Variants in IL17RD observed in about 807,000 individuals in gnomAD.
The protein encoded by IL17RD is interleukin-17 receptor D.
Under a neutral mutation model 80.5 loss-of-function variants are expected in IL17RD, and 52 were observed. The observed-to-expected ratio is 0.65, with a 90% CI of 0.52 to 0.81. The LOEUF is 0.81. Among genes scored for constraint, IL17RD ranks in the 40% least tolerant of loss-of-function variants. The probability of loss-of-function intolerance (pLI) is 0.00; values close to 1 mark genes in which losing one functional copy is unlikely to be tolerated. For missense variants in IL17RD, 1,024 were observed against 955.1 expected (o/e 1.07, Z -0.95); for synonymous variants, 416 against 391.8 (o/e 1.06, Z -0.73).
chr3:57,154,077 C>A (rs1169555289), intron 1 of IL17RD, among the ~76,000 whole-genome samples: 1 of 150,840 alleles, frequency 6.6e-6, no homozygotes, highest in Non-Finnish European at 1.5e-5. Flanking sequence ...GAAACTCTGT[C>A]TTAACAAAAA....
chr3:57,109,452 G>A lies in IL17RD; in HGVS notation c.550+85C>T, dbSNP rs373497302. 49 of 1,497,758 alleles carry A rather than the reference G, an allele frequency of 3.3e-5. 1 individual carries two copies. The highest frequency in any genetic ancestry group is 6.0e-5 in the Admixed American group (3 of 50,340). The allele number at this position is 1,497,758 out of a possible 1,614,324, so 92.8% of individuals were successfully genotyped here. On this transcript the variant is annotated intron_variant, in intron 5 of 12. Transcript: ENST00000296318. The stretch of plus-strand genomic sequence containing the variant: ...GAGCCACCGCGCCCGGCCTTGGCAC[G>A]TTCTTGAACACATTTCTGTAGAAAA...
In IL17RD at chr3:57,106,164, G is replaced by A. The variant is rs1447221536; in HGVS notation, c.551-10C>T. The A allele has an allele frequency of 1.2e-6, 2 of 1,604,428 alleles. No homozygotes were observed. The highest frequency in any genetic ancestry group is 1.1e-5 in the South Asian group (1 of 89,992). On this transcript the variant is annotated splice_polypyrimidine_tract_variant and intron_variant, in intron 5 of 12. Coordinates refer to ENST00000296318, the MANE Select transcript of IL17RD (RefSeq NM_017563.5). ...AACAACAGGTCACAGGCTATTAAGA[G>A]AATAAAGATACATGTTTTTAGTTTT... is the stretch of plus-strand genomic sequence containing the variant.
rs1241840305 is a variant in IL17RD at position 57,090,068 on chromosome 3, TAC to T, written c.*6323_*6324del. 5.9e-5 allele frequency: 9 copies of T among 152,662 alleles called. No homozygotes were observed. Among genetic ancestry groups the T allele is most frequent in the African/African-American group, 1.9e-4 (8 of 41,466 alleles). 9.5% of individuals were successfully genotyped at this position (152,662 alleles called of 1,614,324 possible). On this transcript the variant is annotated 3_prime_UTR_variant, in exon 13 of 13. Transcript: ENST00000296318. ...CAGCTGTGATCTACTTTCACCTAGT[TAC>T]AGAGTTATGTACAAATCAAGTCATT...
intron 1 of IL17RD, among the ~76,000 whole-genome samples, chr3:57,128,927 G>C (rs563260168): frequency 6.6e-6 from 1 of 152,200 alleles, no homozygotes; most frequent in Non-Finnish European, 1.5e-5. Context: ...GATCTGGGCT[G>C]TGTGTTCTCC....
intron 11 of IL17RD, among the ~76,000 whole-genome samples, chr3:57,100,884 C>T (rs764969388): frequency 5.9e-5 from 9 of 152,180 alleles, no homozygotes; most frequent in Non-Finnish European, 1.0e-4. Context: ...CATGTTTCCA[C>T]GGAAGCTACT....
intron 1 of IL17RD, among the ~76,000 whole-genome samples, chr3:57,127,412 AT>A (rs58398251): frequency 0.034 from 3,078 of 91,188 alleles, 506 homozygotes; most frequent in East Asian, 0.13. Context: ...ATATATATAT[AT>A]TTTTTTTTTG....
chr3:57,098,408 T>C lies in IL17RD; in HGVS notation c.1295A>G (p.Lys432Arg), dbSNP rs767329108. The C allele has an allele frequency of 1.9e-6, 3 of 1,614,030 alleles. No individual in the cohort carries two copies. The highest frequency in any genetic ancestry group is 2.5e-6 in the Non-Finnish European group (3 of 1,179,902). ...ACCTCCTTTGTGTTTGTAGTTCTTC[T>C]TGTCCACAAAGTACTTCATACCTTT... ...CSKGMKYFVD[K>R]KNYKHKGGGR... Residue 432 changes from lysine to arginine, a missense_variant, in exon 12 of 13, where the codon AAG becomes AGG. Lys to Arg is a conservative substitution (Grantham distance 26). Transcript: ENST00000296318.
chr3:57,113,157 C>A (rs111274193), intron 3 of IL17RD, among the ~76,000 whole-genome samples: 1 of 152,342 alleles, frequency 6.6e-6, no homozygotes, highest in East Asian at 1.9e-4. Flanking sequence ...TTCAAGAGGA[C>A]AAGCAGATTT....
chr3:57,097,557 GCTGC>G, intron 12 of IL17RD, 35 bp downstream of exon 12: 1 of 1,461,620 alleles, frequency 6.8e-7, no homozygotes, highest in Non-Finnish European at 9.4e-7. Flanking sequence ...ATGGTCAAAG[GCTGC>G]GGCCTGTTAG....
intron 1 of IL17RD, among the ~76,000 whole-genome samples, chr3:57,130,437 T>C (rs919875728): frequency 3.3e-5 from 5 of 152,236 alleles, no homozygotes; most frequent in Admixed American, 3.3e-4. Context: ...TGACCCCAGC[T>C]GGTTCTCTCT....
intron 1 of IL17RD, among the ~76,000 whole-genome samples, chr3:57,127,788 G>A (rs112589045): frequency 2.0e-5 from 3 of 152,086 alleles, no homozygotes; most frequent in African/African-American, 4.8e-5. Context: ...GGCTTAAAAC[G>A]TACAACGGGA....
At chr3:57,165,663 A>C (rs561878010), upstream of IL17RD, among the ~76,000 whole-genome samples, 9 of 152,086 alleles carry the variant, frequency 5.9e-5, no homozygotes, top group African/African-American at 2.2e-4. Flanking sequence ...TAATAATAAT[A>C]ATTTTAATAA....
chr3:57,103,245 AGTGC>A (rs1706878894), intron 8 of IL17RD, 100 bp from the exon 9 acceptor site: 2 of 1,016,388 alleles, frequency 2.0e-6, no homozygotes, highest in African/African-American at 1.6e-5. Flanking sequence ...ATCAGTGGGC[AGTGC>A]GGGAAGGGGT....
At chr3:57,123,251 C>T (rs1707378593) in intron 1 of IL17RD, among the ~76,000 whole-genome samples, 1 of 152,174 alleles carries the variant, frequency 6.6e-6, no homozygotes, top group Admixed American at 6.5e-5. Flanking sequence ...ATGAAGCAGA[C>T]CCAGGTCTTG....
At chr3:57,126,012 A>G (rs1313655266) in intron 1 of IL17RD, among the ~76,000 whole-genome samples, 1 of 152,216 alleles carries the variant, frequency 6.6e-6, no homozygotes. Context: ...ACACTAAGAG[A>G]AAACAGATAA....
chr3:57,146,749 C>CAA (rs201495065), intron 1 of IL17RD, among the ~76,000 whole-genome samples: 4 of 75,234 alleles, frequency 5.3e-5, no homozygotes, highest in Non-Finnish European at 8.3e-5. Flanking sequence ...GACTGCATCT[C>CAA]AAAAAAAAAA....
intron 1 of IL17RD, among the ~76,000 whole-genome samples, chr3:57,137,526 G>C (rs6774301): frequency 0.16 from 23,826 of 152,172 alleles, 2,359 homozygotes; most frequent in East Asian, 0.38. Context: ...CCCAAGAATT[G>C]AACAGATGGG....
At chr3:57,103,580 T>C (rs1172142878) in intron 8 of IL17RD, among the ~76,000 whole-genome samples, 1 of 152,246 alleles carries the variant, frequency 6.6e-6, no homozygotes, top group East Asian at 1.9e-4. Context: ...TGTTAAGACA[T>C]GTTGGTTGTC....
At chr3:57,125,126 G>A (rs1707431546) in intron 1 of IL17RD, among the ~76,000 whole-genome samples, 1 of 152,224 alleles carries the variant, frequency 6.6e-6, no homozygotes, top group Non-Finnish European at 1.5e-5. Context: ...ATATGAATAG[G>A]CTGGGTGCAG....
Sources: allele counts gnomAD v4.1 joint callset (sites outside exome capture counted in the v4.1 genomes callset), GRCh38; gene constraint gnomAD v4.1.1; transcripts MANE v1.5; gene names NCBI Gene and HGNC (gene_info 2026-07-23, HGNC 2026-07-21).